CASP9: variants seen among roughly 807,000 people sequenced by gnomAD.
CASP9 encodes caspase-9.
In CASP9, 29 loss-of-function variants were observed where a neutral mutation model predicts 43.5. That is an observed-to-expected ratio of 0.67 (90% CI 0.50 to 0.91). The LOEUF (loss-of-function observed/expected upper bound fraction) is 0.91, where lower values mean the gene tolerates loss of function less well. CASP9 is among the 40% of genes least tolerant of loss of function. CASP9 has a pLI of 0.00. For missense variants in CASP9, 575 were observed against 537.4 expected (o/e 1.07, Z -0.69); for synonymous variants, 206 against 211.9 (o/e 0.97, Z 0.24).
chr1:15,512,071 T>C (rs1048027541), intron 2 of CASP9, among the ~76,000 whole-genome samples: 7 of 152,076 alleles, frequency 4.6e-5, no homozygotes, highest in African/African-American at 7.2e-5. Context: ...CAGAGGGGAA[T>C]TGGGGGCTCA....
chr1:15,498,964 C>G (rs1709219473), intron 6 of CASP9, among the ~76,000 whole-genome samples: 4 of 151,858 alleles, frequency 2.6e-5, no homozygotes, highest in Admixed American at 2.6e-4. Context: ...GTCTTGATCT[C>G]CTGACCTCGT....
intron 2 of CASP9, among the ~76,000 whole-genome samples, chr1:15,508,902 A>AACAT (rs1470315951): frequency 6.6e-6 from 1 of 152,366 alleles, no homozygotes; most frequent in East Asian, 1.9e-4. Context: ...GTAAAGAAGT[A>AACAT]GGCAACATGG....
At chr1:15,520,161 G>A (rs1416487797) in intron 1 of CASP9, among the ~76,000 whole-genome samples, 1 of 152,152 alleles carries the variant, frequency 6.6e-6, no homozygotes, top group African/African-American at 2.4e-5. Context: ...CTATCCTACA[G>A]CAGCACTGTC....
In CASP9 at chr1:15,524,052, G is replaced by GGGGCCC; in HGVS notation, c.132+16_132+17insGGGCCC. 7.0e-7 allele frequency: 1 copy of GGGGCCC among 1,433,984 alleles called. No individual in the cohort carries two copies. Among genetic ancestry groups the GGGGCCC allele is most frequent in the Non-Finnish European group, 9.1e-7 (1 of 1,097,916 alleles). The allele number at this position is 1,433,984 out of a possible 1,614,324, so 88.8% of individuals were successfully genotyped here. ...GACCCGGCCGTGCAGCGCGGGGACA[G>GGGGCCC]GGGGCCGGGGGCGCACCTGGATGTC... On this transcript the variant is annotated intron_variant, in intron 1 of 8. Transcript: ENST00000333868.
Position 15,495,296 on chromosome 1 carries a change from A to G in CASP9, c.1025T>C (p.Phe342Ser). Residue 342 changes from phenylalanine (F) to serine (S), a missense_variant, in exon 7 of 9, where the codon TTT (phenylalanine) becomes TCT (serine). By Grantham distance (155) the Phe-to-Ser change is radical. Transcript: ENST00000333868. ...ISSLPTPSDI[F>S]VSYSTFPGFV... ...ACCTGGGAAAGTAGAGTAGGACACA[A>G]AGATGTCACTGGGTGTGGGCAAACT... 3 of 1,611,358 alleles carry G rather than the reference A, an allele frequency of 1.9e-6. No homozygotes were observed. The highest frequency in any genetic ancestry group is 2.5e-6 in the Non-Finnish European group (3 of 1,179,198).
chr1:15,505,572 A>G (rs4646044), intron 5 of CASP9, among the ~76,000 whole-genome samples: 90,688 of 152,112 alleles, frequency 0.6, 27,886 homozygotes, highest in African/African-American at 0.74. Flanking sequence ...GGGCTTAATC[A>G]CAGTGACAAA....
intron 1 of CASP9, among the ~76,000 whole-genome samples, chr1:15,523,255 C>A (rs1445387490): frequency 6.6e-6 from 1 of 152,226 alleles, no homozygotes; most frequent in African/African-American, 2.4e-5. Context: ...ACGCTGATCC[C>A]CCGCTCTGTG....
At chr1:15,515,486 A>G (rs1054943951) in intron 2 of CASP9, among the ~76,000 whole-genome samples, 8 of 152,260 alleles carry the variant, frequency 5.3e-5, no homozygotes, top group Admixed American at 1.3e-4. Context: ...ACACGCTGCC[A>G]TGGGAACAAA....
chr1:15,493,375 A>C, intron 8 of CASP9: 1 of 1,233,432 alleles, frequency 8.1e-7, no homozygotes, highest in Non-Finnish European at 1.0e-6. Context: ...ACAAGGCCAC[A>C]GGACCCTCAG....
chr1:15,507,975 T>C, intron 2 of CASP9, 68 bp from the exon 3 acceptor site: 1 of 1,514,300 alleles, frequency 6.6e-7, no homozygotes, highest in South Asian at 1.1e-5. Flanking sequence ...AGGGGCTCTG[T>C]GAGGACAGCC....
At chr1:15,505,045 G>C (rs185496802) in intron 5 of CASP9, among the ~76,000 whole-genome samples, 1 of 152,342 alleles carries the variant, frequency 6.6e-6, no homozygotes, top group East Asian at 1.9e-4. Context: ...GGCCCCTGCA[G>C]CAGCGGCATC....
intron 3 of CASP9, among the ~76,000 whole-genome samples, chr1:15,507,558 C>T (rs1038164359): frequency 6.6e-6 from 1 of 152,220 alleles, no homozygotes; most frequent in East Asian, 1.9e-4. Flanking sequence ...CAGGTGGCCC[C>T]AGCACAGAGC....
chr1:15,497,815 G>C (rs544979684), intron 6 of CASP9, among the ~76,000 whole-genome samples: 5 of 152,078 alleles, frequency 3.3e-5, no homozygotes, highest in Non-Finnish European at 7.3e-5. Context: ...ATTCACACGA[G>C]AATCTCAAGG....
intron 7 of CASP9, 132 bp downstream of exon 7, chr1:15,495,141 G>T: frequency 1.2e-6 from 1 of 822,782 alleles, no homozygotes; most frequent in Non-Finnish European, 1.9e-6. Flanking sequence ...GAAGTAACTT[G>T]CTCAGGGTCA....
chr1:15,501,126 G>C (rs1293438840), intron 6 of CASP9, among the ~76,000 whole-genome samples: 1 of 152,180 alleles, frequency 6.6e-6, no homozygotes, highest in African/African-American at 2.4e-5. Flanking sequence ...CCTCCGCACA[G>C]AAAATCCACG....
chr1:15,521,615 C>T (rs1710206415), intron 1 of CASP9, among the ~76,000 whole-genome samples: 2 of 152,214 alleles, frequency 1.3e-5, no homozygotes. Context: ...GCCCCCTGTC[C>T]TATGATCACG....
intron 6 of CASP9, among the ~76,000 whole-genome samples, chr1:15,504,104 C>T (rs1709428760): frequency 2.0e-5 from 3 of 152,202 alleles, no homozygotes; most frequent in Admixed American, 2.0e-4. Context: ...GCCTCGGCCT[C>T]CCAAAGTGTT....
At chr1:15,514,046 ATGCTCAATGAATATGTATGAG>A (rs1163395363) in intron 2 of CASP9, among the ~76,000 whole-genome samples, 3 of 152,236 alleles carry the variant, frequency 2.0e-5, no homozygotes, top group African/African-American at 7.2e-5. Flanking sequence ...ATTGACACTC[ATGCTCAATGAATATGTATGAG>A]TGCAGTGTGT....
intron 7 of CASP9, 22 bp downstream of exon 7, chr1:15,495,251 C>T (rs367707210): frequency 7.9e-5 from 127 of 1,600,004 alleles, no homozygotes; most frequent in Non-Finnish European, 9.9e-5. Context: ...GCTGCGAGGA[C>T]GAGCCCTTCT....
Sources: gnomAD v4.1 joint callset for allele counts (sites outside exome capture counted in the v4.1 genomes callset) on GRCh38, gnomAD v4.1.1 for gene constraint, MANE v1.5 for transcripts, NCBI Gene and HGNC (gene_info 2026-07-23, HGNC 2026-07-21) for gene names.